Variants in ZSCAN2 observed in about 807,000 individuals in gnomAD.
ZSCAN2 encodes zinc finger and SCAN domain containing 2, also known as zinc finger and SCAN domain-containing protein 2.
ZSCAN2 carries 26 observed loss-of-function variants against 47.8 expected under a neutral mutation model. The observed-to-expected ratio is 0.54, with a 90% CI of 0.40 to 0.75. ZSCAN2 has a LOEUF of 0.75. ZSCAN2 is among the 30% of genes least tolerant of loss of function. ZSCAN2 has a pLI of 0.00. For synonymous variants in ZSCAN2, 305 were observed against 288.7 expected (o/e 1.06, Z -0.57); for missense variants, 732 against 785.4 (o/e 0.93, Z 0.81).
At position 84,604,158 on chromosome 15, in the gene ZSCAN2, C is replaced by T. The variant is rs34014678; in HGVS notation, c.231C>T (p.Leu77=). The stretch of plus-strand genomic sequence containing the variant: ...TGACCAGGGGACCACAGGGTGCACT[C>T]GGCCGCCTCCGAGAGCTCTGCCGGC... The part of the protein sequence containing the change: ...EEVTRGPQGA[L]GRLRELCRRW... Residue 77 remains leucine, a synonymous_variant, in exon 2 of 3, where the codon CTC becomes CTT. Coordinates refer to ENST00000546148, the MANE Select transcript of ZSCAN2 (RefSeq NM_181877.4). The T allele has an allele frequency of 2.3e-3, 3,670 of 1,613,558 alleles. 7 individuals are homozygous for T. The highest frequency in any genetic ancestry group is 5.9e-3 in the Middle Eastern group (36 of 6,060).
At chr15:84,615,812 C>G (rs193114580) in intron 2 of ZSCAN2, among the ~76,000 whole-genome samples, 1 of 152,006 alleles carries the variant, frequency 6.6e-6, no homozygotes, top group Non-Finnish European at 1.5e-5. Context: ...TTCCTGAGTT[C>G]TTCTAGTGTA....
intron 2 of ZSCAN2, among the ~76,000 whole-genome samples, chr15:84,620,347 T>C (rs924407236): frequency 4.5e-4 from 69 of 152,210 alleles, no homozygotes; most frequent in African/African-American, 1.6e-3. Context: ...CTATCATTGA[T>C]GGGCATTTGG....
chr15:84,619,298 T>C (rs939603407), intron 2 of ZSCAN2, among the ~76,000 whole-genome samples: 12 of 151,924 alleles, frequency 7.9e-5, no homozygotes, highest in East Asian at 3.9e-4. Context: ...GGTGTGGTGG[T>C]GGGCGCCTGT....
At chr15:84,610,472 C>G (rs199781840) in intron 2 of ZSCAN2, among the ~76,000 whole-genome samples, 2 of 123,404 alleles carry the variant, frequency 1.6e-5, no homozygotes, top group Non-Finnish European at 3.4e-5. Flanking sequence ...AGAAGTCTTT[C>G]TTTCTTTCTT....
intron 2 of ZSCAN2, chr15:84,614,957 GTTC>G (rs1895655481): frequency 6.8e-6 from 1 of 147,160 alleles, no homozygotes; most frequent in South Asian, 2.2e-4. Flanking sequence ...TTAAGTATTA[GTTC>G]TTTTTTTTTT....
Position 84,620,703 on chromosome 15 carries a change from C to G in ZSCAN2, c.508C>G (p.Gln170Glu). The G allele has an allele frequency of 6.2e-7, 1 of 1,614,208 alleles. No homozygotes were observed. The highest frequency in any genetic ancestry group is 8.5e-7 in the Non-Finnish European group (1 of 1,180,044). The change falls in exon 3 of 3, where the codon CAG becomes GAG. Residue 170 changes from glutamine (Q) to glutamate (E), a missense_variant. Gln to Glu is a conservative substitution (Grantham distance 29). Transcript: ENST00000546148. ...FSEMPEGESA[Q>E]HSDGESDFER... Reference sequence around the variant, plus strand: ...GGAAATGCCTGAAGGTGAAAGTGCTCAGCACTCCGATGGGGAAAGTGACTT... The same window carrying G: ...GGAAATGCCTGAAGGTGAAAGTGCTGAGCACTCCGATGGGGAAAGTGACTT...
chr15:84,614,006 T>TTTTTG (rs57369477), intron 2 of ZSCAN2, among the ~76,000 whole-genome samples: 1 of 116,128 alleles, frequency 8.6e-6, no homozygotes, highest in Non-Finnish European at 1.8e-5. Flanking sequence ...TTTTTTTTTT[T>TTTTTG]CAGAGACAGA....
intron 2 of ZSCAN2, chr15:84,616,637 G>C (rs570143511): frequency 2.5e-6 from 3 of 1,182,110 alleles, no homozygotes; most frequent in Non-Finnish European, 3.1e-6. Flanking sequence ...GAGCTCATTG[G>C]AGAGCTAACC....
At chr15:84,611,214 T>C (rs1005671088) in intron 2 of ZSCAN2, among the ~76,000 whole-genome samples, 20 of 152,062 alleles carry the variant, frequency 1.3e-4, no homozygotes, top group South Asian at 8.3e-4. Flanking sequence ...GGAGAATTGC[T>C]TGAACCCAGG....
Position 84,622,066 on chromosome 15 carries a change from C to G in ZSCAN2, c.*26C>G. ...AGTGGCAAAGAGTGAAAGTGAGGGACTGGCCTGGAGTGGGAGTTGCCACAC... is the reference window on the plus strand; with the variant it reads ...AGTGGCAAAGAGTGAAAGTGAGGGAGTGGCCTGGAGTGGGAGTTGCCACAC... On this transcript the variant is annotated 3_prime_UTR_variant, in exon 3 of 3. Coordinates refer to ENST00000546148, the MANE Select transcript of ZSCAN2 (RefSeq NM_181877.4). The G allele has an allele frequency of 1.3e-6, 2 of 1,565,122 alleles. No individual in the cohort carries two copies. The highest frequency in any genetic ancestry group is 2.4e-5 in the South Asian group (2 of 82,234).
intron 2 of ZSCAN2, among the ~76,000 whole-genome samples, chr15:84,605,218 G>A (rs773343421): frequency 1.4e-4 from 22 of 152,134 alleles, no homozygotes; most frequent in Non-Finnish European, 3.1e-4. Flanking sequence ...CTGGCTTGCC[G>A]TTTAACCGCT....
At chr15:84,612,891 A>G (rs1596032605) in intron 2 of ZSCAN2, among the ~76,000 whole-genome samples, 1 of 152,252 alleles carries the variant, frequency 6.6e-6, no homozygotes, top group South Asian at 2.1e-4. Context: ...TAAATTAAGT[A>G]TCGCACTTAA....
intron 2 of ZSCAN2, among the ~76,000 whole-genome samples, chr15:84,610,140 G>A (rs1273835871): frequency 6.6e-6 from 1 of 152,244 alleles, no homozygotes; most frequent in Non-Finnish European, 1.5e-5. Context: ...GAGAGGTCCT[G>A]TGGCCCTTCA....
At chr15:84,608,343 A>G (rs1432051264) in intron 2 of ZSCAN2, among the ~76,000 whole-genome samples, 4 of 151,906 alleles carry the variant, frequency 2.6e-5, no homozygotes, top group Non-Finnish European at 4.4e-5. Context: ...CAGCCTGGCC[A>G]ACATAGTGAA....
At chr15:84,607,504 C>CTTTTGT (rs1204873417) in intron 2 of ZSCAN2, among the ~76,000 whole-genome samples, 3 of 151,088 alleles carry the variant, frequency 2.0e-5, no homozygotes, top group African/African-American at 4.9e-5. Context: ...ACAGCCTGTG[C>CTTTTGT]TTTTGTTTTT....
Position 84,622,328 on chromosome 15 carries a change from A to C in ZSCAN2, c.*288A>C. 1.7e-6 allele frequency: 1 copy of C among 575,034 alleles called. No homozygotes were observed. Among genetic ancestry groups the C allele is most frequent in the Non-Finnish European group, 3.1e-6 (1 of 318,528 alleles). 35.6% of individuals were successfully genotyped at this position (575,034 alleles called of 1,614,324 possible). A position where few individuals can be genotyped will look rare whatever the true frequency, so the allele number is the denominator to read the frequency against. On this transcript the variant is annotated 3_prime_UTR_variant, in exon 3 of 3. Transcript: ENST00000546148. ...CCCTCTCATGATTCCTCTGTGCCTC[A>C]GTTTCCTCTTTGGTAAAATGGGGGG...
chr15:84,603,284 GT>G (rs1240103347), intron 1 of ZSCAN2, among the ~76,000 whole-genome samples: 1 of 151,902 alleles, frequency 6.6e-6, no homozygotes, highest in Non-Finnish European at 1.5e-5. Flanking sequence ...TCAGTCATGG[GT>G]TTTTCCCGGG....
chr15:84,612,741 A>G (rs1279867703), intron 2 of ZSCAN2, among the ~76,000 whole-genome samples: 1 of 150,976 alleles, frequency 6.6e-6, no homozygotes, highest in Admixed American at 6.6e-5. Flanking sequence ...TCTCAAAAGA[A>G]AAAAAAAAGG....
intron 2 of ZSCAN2, among the ~76,000 whole-genome samples, chr15:84,610,414 T>G (rs1280920251): frequency 6.6e-6 from 1 of 151,804 alleles, no homozygotes; most frequent in African/African-American, 2.4e-5. Context: ...AAGTATGAAG[T>G]GTGAATAAGC....
Sources: allele counts gnomAD v4.1 joint callset (sites outside exome capture counted in the v4.1 genomes callset), GRCh38; gene constraint gnomAD v4.1.1; transcripts MANE v1.5; gene names NCBI Gene and HGNC (gene_info 2026-07-23, HGNC 2026-07-21).